Variants in CD2AP observed in about 807,000 individuals in gnomAD.
CD2AP encodes the protein CD2 associated protein.
A neutral mutation model predicts 85.1 loss-of-function variants in CD2AP; 46 were observed. The ratio of observed to expected loss-of-function variants is 0.54; its 90% confidence interval spans 0.43 to 0.69. CD2AP has a LOEUF of 0.69. CD2AP is among the 30% of genes least tolerant of loss of function. The probability of loss-of-function intolerance (pLI) is 0.00; values close to 1 mark genes in which losing one functional copy is unlikely to be tolerated. For missense variants in CD2AP, 769 were observed against 729.5 expected (o/e 1.05, Z -0.62); for synonymous variants, 255 against 252.9 (o/e 1.01, Z -0.08).
At chr6:47,508,254 A>G (rs918479704) in intron 2 of CD2AP, among the ~76,000 whole-genome samples, 2 of 152,346 alleles carry the variant, frequency 1.3e-5, no homozygotes, top group Non-Finnish European at 1.5e-5. Context: ...TAGCATAGCC[A>G]TCTTCATCAG....
intron 11 of CD2AP, 37 bp from the exon 12 acceptor site, chr6:47,595,824 T>A: frequency 6.4e-7 from 1 of 1,569,880 alleles, no homozygotes; most frequent in Non-Finnish European, 8.8e-7. Context: ...TAAATAATTT[T>A]GATTGTTAAT....
At chr6:47,603,262 T>C (rs528795742) in intron 13 of CD2AP, among the ~76,000 whole-genome samples, 2 of 152,224 alleles carry the variant, frequency 1.3e-5, no homozygotes, top group East Asian at 3.9e-4. Context: ...AAAGATAGTA[T>C]TGAGTCATAT....
intron 13 of CD2AP, among the ~76,000 whole-genome samples, chr6:47,601,787 A>C (rs376487126): frequency 1.3e-5 from 2 of 152,052 alleles, no homozygotes; most frequent in African/African-American, 2.4e-5. Flanking sequence ...GAAAACATAC[A>C]TGAAAAACTT....
intron 17 of CD2AP, among the ~76,000 whole-genome samples, chr6:47,616,040 C>T (rs1769575328): frequency 6.8e-6 from 1 of 147,738 alleles, no homozygotes; most frequent in Non-Finnish European, 1.5e-5. Flanking sequence ...GCCTCAGCCT[C>T]CCAAAGTGCT....
At chr6:47,552,670 G>T (rs896031624) in intron 4 of CD2AP, among the ~76,000 whole-genome samples, 4 of 152,154 alleles carry the variant, frequency 2.6e-5, no homozygotes, top group Non-Finnish European at 4.4e-5. Flanking sequence ...TAACTCCTCA[G>T]TTGTTGCCAG....
rs76153148 is a variant in CD2AP, at chr6:47,576,998, C to A, written c.809-11C>A. 2.1e-3 allele frequency: 2,752 copies of A among 1,311,452 alleles called. 64 individuals are homozygous for A. The East Asian group carries it at 0.051, about 24-fold the overall frequency. The allele number at this position is 1,311,452 out of a possible 1,614,324, so 81.2% of individuals were successfully genotyped here. On this transcript the variant is annotated splice_polypyrimidine_tract_variant and intron_variant, in intron 7 of 17. Transcript: ENST00000359314. ...TTGTGTGAGCCACATTATTTACATTCTTTATTTCAGCTAAAGAATATTGTA... is the reference window on the plus strand; with the variant it reads ...TTGTGTGAGCCACATTATTTACATTATTTATTTCAGCTAAAGAATATTGTA...
chr6:47,485,816 T>TTACAGTTGCCTACAGTATTGAG (rs1765553812), intron 1 of CD2AP, among the ~76,000 whole-genome samples: 1 of 152,208 alleles, frequency 6.6e-6, no homozygotes, highest in Non-Finnish European at 1.5e-5. Flanking sequence ...AACCATTGTG[T>TTACAGTTGCCTACAGTATTGAG]TACAGTTGCC....
At chr6:47,592,073 C>T (rs931891275) in intron 11 of CD2AP, among the ~76,000 whole-genome samples, 3 of 152,092 alleles carry the variant, frequency 2.0e-5, no homozygotes, top group South Asian at 4.1e-4. Context: ...TGGCTTCAAG[C>T]GATGCCCCCA....
At chr6:47,576,461 T>G (rs1768316291) in intron 6 of CD2AP, 63 bp from the exon 7 acceptor site, 4 of 1,107,786 alleles carry the variant, frequency 3.6e-6, no homozygotes, top group Non-Finnish European at 5.5e-6. Context: ...AATGGAAACT[T>G]TGTTTAACAG....
chr6:47,519,096 C>G (rs1206294675), intron 2 of CD2AP, among the ~76,000 whole-genome samples: 1 of 152,202 alleles, frequency 6.6e-6, no homozygotes, highest in Non-Finnish European at 1.5e-5. Context: ...CAGATAACTT[C>G]ACTCTTTTTT....
rs1338601174 is a variant in CD2AP, at chr6:47,609,314, C to A, written c.1814+10C>A. On this transcript the variant is annotated intron_variant, in intron 16 of 17. Coordinates refer to ENST00000359314, the MANE Select transcript of CD2AP (RefSeq NM_012120.3). ...TGAAAAAGGATCACGGGTAAGTAGC[C>A]CTTCTTTTCTCCTGTGAGTACTACT... is the stretch of plus-strand genomic sequence containing the variant. The A allele has an allele frequency of 1.2e-6, 2 of 1,603,812 alleles. No homozygotes were observed. Among genetic ancestry groups the A allele is most frequent in the Non-Finnish European group, 1.7e-6 (2 of 1,171,388 alleles).
chr6:47,623,134 A>G (rs1295845354), intron 17 of CD2AP, among the ~76,000 whole-genome samples: 1 of 152,240 alleles, frequency 6.6e-6, no homozygotes, highest in East Asian at 1.9e-4. Flanking sequence ...TTACAGAATC[A>G]TATCAAGGAA....
intron 4 of CD2AP, among the ~76,000 whole-genome samples, chr6:47,548,104 CTG>C (rs1382748720): frequency 6.6e-6 from 1 of 151,960 alleles, no homozygotes; most frequent in Non-Finnish European, 1.5e-5. Flanking sequence ...ACATCAAAGA[CTG>C]TGAAAGAGCA....
At chr6:47,543,148 CAAAAAA>C (rs11338409) in intron 3 of CD2AP, among the ~76,000 whole-genome samples, 2 of 60,332 alleles carry the variant, frequency 3.3e-5, no homozygotes, top group African/African-American at 7.0e-5. Context: ...AAGACTGTCT[CAAAAAA>C]AAAAAAAAAA....
intron 1 of CD2AP, among the ~76,000 whole-genome samples, chr6:47,502,452 G>A (rs1013435700): frequency 2.0e-5 from 3 of 151,562 alleles, no homozygotes; most frequent in African/African-American, 4.9e-5. Flanking sequence ...TTGTAGAGAC[G>A]GGGTTTTGTT....
At chr6:47,608,832 G>T (rs1050048478) in intron 15 of CD2AP, among the ~76,000 whole-genome samples, 2 of 151,980 alleles carry the variant, frequency 1.3e-5, no homozygotes, top group Non-Finnish European at 2.9e-5. Flanking sequence ...TTACATTCTT[G>T]CCCCTGTTTC....
At chr6:47,610,865 T>G (rs943776882) in intron 16 of CD2AP, among the ~76,000 whole-genome samples, 2 of 150,500 alleles carry the variant, frequency 1.3e-5, no homozygotes, top group African/African-American at 2.4e-5. Flanking sequence ...GTTTTACATT[T>G]TTTATACCAT....
At chr6:47,563,931 T>G (rs1669743644) in intron 5 of CD2AP, among the ~76,000 whole-genome samples, 1 of 152,206 alleles carries the variant, frequency 6.6e-6, no homozygotes, top group Admixed American at 6.5e-5. Context: ...TCTAGTTGTT[T>G]AATTTAGTTT....
chr6:47,623,739 T>A (rs903309864), intron 17 of CD2AP, among the ~76,000 whole-genome samples: 1 of 152,252 alleles, frequency 6.6e-6, no homozygotes, highest in South Asian at 2.1e-4. Context: ...AGTCAAGTGA[T>A]TTAACAATAA....
Sources: gnomAD v4.1 joint callset for allele counts (sites outside exome capture counted in the v4.1 genomes callset) on GRCh38, gnomAD v4.1.1 for gene constraint, MANE v1.5 for transcripts, NCBI Gene and HGNC (gene_info 2026-07-23, HGNC 2026-07-21) for gene names.